The following JPH3 variants were observed in gnomAD, a reference collection of about 807,000 sequenced individuals.
JPH3 encodes the protein junctophilin 3.
Under a neutral mutation model 59.6 loss-of-function variants are expected in JPH3, and 11 were observed. That is an observed-to-expected ratio of 0.18 (90% CI 0.12 to 0.31). JPH3 has a LOEUF of 0.31. JPH3 is among the 10% of genes least tolerant of loss of function. JPH3 has a pLI of 1.00. For missense variants in JPH3, 1,202 were observed against 1,105.7 expected, an observed-to-expected ratio of 1.09 and a Z score of -1.24; for synonymous variants, 673 against 483.6, an observed-to-expected ratio of 1.39 and a Z score of -5.14.
intron 1 of JPH3, among the ~76,000 whole-genome samples, chr16:87,621,336 G>A: frequency 6.6e-6 from 1 of 152,222 alleles, no homozygotes; most frequent in East Asian, 1.9e-4. Flanking sequence ...TATAGACGGA[G>A]TCCGGGGGAG....
rs1283818873 is a variant in JPH3, at chr16:87,602,954, C to T, written c.-193C>T. ...GCGGCGCAGCTCGAAAAGGAATAATCGCCCCCGATTGACTGAAATTCCTCC... is the reference window on the plus strand; with the variant it reads ...GCGGCGCAGCTCGAAAAGGAATAATTGCCCCCGATTGACTGAAATTCCTCC... On this transcript the variant is annotated 5_prime_UTR_variant, in exon 1 of 5. Transcript: ENST00000284262. 3 of 464,422 alleles carry T rather than the reference C, an allele frequency of 6.5e-6. No individual in the cohort carries two copies. The African/African-American group carries it at 6.7e-5, about 10-fold the overall frequency. 28.8% of individuals were successfully genotyped at this position (464,422 alleles called of 1,614,324 possible). A position where few individuals can be genotyped will look rare whatever the true frequency, so the allele number is the denominator to read the frequency against.
intron 2 of JPH3, among the ~76,000 whole-genome samples, 159 bp downstream of exon 2, chr16:87,645,194 C>T (rs1383993206): frequency 2.0e-5 from 3 of 152,144 alleles, no homozygotes; most frequent in East Asian, 3.9e-4. Flanking sequence ...CCCTAGGGTT[C>T]CCTGGAGGTT....
intron 2 of JPH3, among the ~76,000 whole-genome samples, chr16:87,668,518 C>G (rs1373192433): frequency 6.6e-6 from 1 of 152,164 alleles, no homozygotes; most frequent in Non-Finnish European, 1.5e-5. Flanking sequence ...CACACTCATC[C>G]TGCATCTGTT....
At chr16:87,648,789 G>A (rs1597261040) in intron 2 of JPH3, among the ~76,000 whole-genome samples, 1 of 152,170 alleles carries the variant, frequency 6.6e-6, no homozygotes, top group African/African-American at 2.4e-5. Context: ...CGGAGCCTTC[G>A]AGGCTCTCCA....
chr16:87,667,067 C>A (rs1251986588), intron 2 of JPH3, among the ~76,000 whole-genome samples: 1 of 152,256 alleles, frequency 6.6e-6, no homozygotes, highest in Non-Finnish European at 1.5e-5. Context: ...GCCGTGCCCC[C>A]TCTGCAGCCT....
rs529417011 is a variant in JPH3 at position 87,610,200 on chromosome 16, C to G, written c.382+6672C>G. Among the ~76,000 whole-genome samples, 6 of 152,282 alleles carry G rather than the reference C, an allele frequency of 3.9e-5. No homozygotes were observed. The South Asian group carries it at 1.2e-3, about 32-fold the overall frequency. ...GTTGGAGAGCGGCTGTAAATACAGA[C>G]GAAGCTTCACTTGCTTGCTTACTCA... On this transcript the variant is annotated intron_variant, in intron 1 of 4. Coordinates refer to ENST00000284262, the MANE Select transcript of JPH3 (RefSeq NM_020655.4).
rs1452310368 is a variant in JPH3 at position 87,603,064 on chromosome 16, G to A, written c.-83G>A. 5.1e-6 allele frequency: 8 copies of A among 1,575,820 alleles called. No individual in the cohort carries two copies. The highest frequency in any genetic ancestry group is 1.7e-4 in the Middle Eastern group (1 of 5,900). The stretch of plus-strand genomic sequence containing the variant: ...CCTCCGGAAAACGCTCGCGACCCAG[G>A]GCCGCCGGCGGCCGCGACTCTGCTG... On this transcript the variant is annotated 5_prime_UTR_variant, in exon 1 of 5. Transcript: ENST00000284262.
At chr16:87,604,464 C>G (rs1160208911) in intron 1 of JPH3, 3 of 1,366,672 alleles carry the variant, frequency 2.2e-6, no homozygotes, top group Admixed American at 4.4e-5. Flanking sequence ...CCCAAACAAA[C>G]TGGCTTCCCC....
chr16:87,659,325 C>T (rs903471569), intron 2 of JPH3, among the ~76,000 whole-genome samples: 1 of 137,150 alleles, frequency 7.3e-6, no homozygotes, highest in Admixed American at 8.0e-5. Flanking sequence ...TGCACTGAGC[C>T]AAGATCAAGC....
chr16:87,614,503 A>T (rs572379513), intron 1 of JPH3, among the ~76,000 whole-genome samples: 1 of 125,396 alleles, frequency 8.0e-6, no homozygotes, highest in Admixed American at 8.3e-5. Context: ...CGTCCCCCGC[A>T]GGATAAACGC....
intron 1 of JPH3, among the ~76,000 whole-genome samples, chr16:87,625,477 C>T (rs147676739): frequency 5.9e-5 from 9 of 152,318 alleles, no homozygotes; most frequent in Non-Finnish European, 8.8e-5. Context: ...TGGTGCTGCA[C>T]GGTCACTTGC....
At chr16:87,621,395 G>C (rs1277255968) in intron 1 of JPH3, among the ~76,000 whole-genome samples, 1 of 152,226 alleles carries the variant, frequency 6.6e-6, no homozygotes, top group Non-Finnish European at 1.5e-5. Context: ...GGCTGCGCAA[G>C]GGGCTTCAGG....
intron 1 of JPH3, among the ~76,000 whole-genome samples, chr16:87,606,715 A>G (rs2030534564): frequency 6.6e-6 from 1 of 152,192 alleles, no homozygotes; most frequent in Non-Finnish European, 1.5e-5. Context: ...AGCATACATT[A>G]TTATTTACCG....
At chr16:87,685,604 G>T (rs74039460) in intron 3 of JPH3, among the ~76,000 whole-genome samples, 2,825 of 152,382 alleles carry the variant, frequency 0.019, 86 homozygotes, top group African/African-American at 0.063. Context: ...ACGGAACAGG[G>T]ATGCTGGAGA....
At position 87,670,482 on chromosome 16, in the gene JPH3, C is replaced by T. The variant is rs545008655; in HGVS notation, c.1161-13660C>T. ...GCACCAGGATCCAAGCAGTGGACTG[C>T]GGGACAGGACCTGTCCCTGTGAGCG... On this transcript the variant is annotated intron_variant, in intron 2 of 4. Transcript: ENST00000284262. 5.3e-5 allele frequency among the ~76,000 whole-genome samples: 8 copies of T among 152,320 alleles called. No homozygotes were observed. The East Asian group carries it at 9.7e-4, about 18-fold the overall frequency.
At chr16:87,695,404 C>T (rs1413350784) in intron 4 of JPH3, 3 of 456,030 alleles carry the variant, frequency 6.6e-6, no homozygotes, top group East Asian at 6.9e-5. Context: ...AAGCCCTGGT[C>T]CATCTGTGTC....
chr16:87,646,718 G>A (rs1018305867), intron 2 of JPH3, among the ~76,000 whole-genome samples: 1 of 152,164 alleles, frequency 6.6e-6, no homozygotes, highest in African/African-American at 2.4e-5. Context: ...TTTGGGGGCT[G>A]GGGGACAGCG....
intron 1 of JPH3, among the ~76,000 whole-genome samples, chr16:87,637,359 C>G (rs937278469): frequency 2.6e-4 from 40 of 152,142 alleles, no homozygotes; most frequent in African/African-American, 9.4e-4. Flanking sequence ...CATCATCCGT[C>G]TGTCTCTGGA....
intron 2 of JPH3, among the ~76,000 whole-genome samples, chr16:87,670,068 C>T (rs1442982840): frequency 2.6e-5 from 4 of 152,238 alleles, no homozygotes; most frequent in South Asian, 2.1e-4. Flanking sequence ...GGGGATTCCA[C>T]GGTGCCCTTG....
Sources: allele counts gnomAD v4.1 joint callset (sites outside exome capture counted in the v4.1 genomes callset), GRCh38; gene constraint gnomAD v4.1.1; transcripts MANE v1.5; gene names NCBI Gene and HGNC (gene_info 2026-07-23, HGNC 2026-07-21).